Variants in BOC observed in about 807,000 individuals in gnomAD.
BOC encodes BOC cell adhesion associated, oncogene regulated.
A neutral mutation model predicts 112.0 loss-of-function variants in BOC; 76 were observed. The ratio of observed to expected loss-of-function variants is 0.68; its 90% CI spans 0.56 to 0.82. The LOEUF (loss-of-function observed/expected upper bound fraction) is 0.82, where lower values mean the gene tolerates loss of function less well. Ranked by LOEUF, BOC falls within the 40% of genes least tolerant of loss-of-function variation. The pLI, the probability that BOC is intolerant of heterozygous loss-of-function variation, is 0.00. For synonymous variants in BOC, 580 were observed against 599.8 expected (o/e 0.97, Z 0.48); for missense variants, 1,309 against 1,511.7 (o/e 0.87, Z 2.22).
chr3:113,275,410 G>A (rs1399217741), intron 9 of BOC, among the ~76,000 whole-genome samples: 1 of 152,182 alleles, frequency 6.6e-6, no homozygotes, highest in African/African-American at 2.4e-5. Flanking sequence ...GTGAGGCAGG[G>A]CAGGGTCCCC....
chr3:113,234,525 T>C (rs145475760), intron 2 of BOC, among the ~76,000 whole-genome samples: 8 of 152,328 alleles, frequency 5.3e-5, no homozygotes, highest in African/African-American at 1.9e-4. Flanking sequence ...TACATTTCAA[T>C]TTTGGTATAA....
At chr3:113,227,671 C>T (rs953890618) in intron 2 of BOC, among the ~76,000 whole-genome samples, 2 of 152,080 alleles carry the variant, frequency 1.3e-5, no homozygotes, top group Non-Finnish European at 2.9e-5. Context: ...GGTTTCTGCA[C>T]CTTGGTGCAG....
chr3:113,243,209 A>C (rs1289448636), intron 2 of BOC, among the ~76,000 whole-genome samples: 2 of 152,240 alleles, frequency 1.3e-5, no homozygotes, highest in African/African-American at 4.8e-5. Flanking sequence ...AACTGGGTTG[A>C]AGAGAAGGCT....
intron 15 of BOC, among the ~76,000 whole-genome samples, chr3:113,282,615 G>T (rs11715146): frequency 6.6e-6 from 1 of 151,856 alleles, no homozygotes; most frequent in Admixed American, 6.6e-5. Context: ...CAGGGGGTCC[G>T]GGTGGGGAGA....
chr3:113,222,429 A>G (rs867615647), intron 2 of BOC, among the ~76,000 whole-genome samples: 14 of 152,188 alleles, frequency 9.2e-5, no homozygotes, highest in South Asian at 4.2e-4. Flanking sequence ...ATATGGGGGG[A>G]AAATAGGAGA....
intron 15 of BOC, among the ~76,000 whole-genome samples, chr3:113,282,978 A>G (rs1949332676): frequency 6.6e-6 from 1 of 152,106 alleles, no homozygotes; most frequent in Non-Finnish European, 1.5e-5. Flanking sequence ...GATCCATGCT[A>G]ATACCTAGTG....
intron 2 of BOC, among the ~76,000 whole-genome samples, chr3:113,248,075 A>G (rs1269926384): frequency 2.0e-5 from 3 of 152,178 alleles, no homozygotes; most frequent in Non-Finnish European, 4.4e-5. Context: ...ACTCTTGGAA[A>G]ACATTCTGAG....
At chr3:113,248,026 C>G (rs533071351) in intron 2 of BOC, among the ~76,000 whole-genome samples, 1 of 152,320 alleles carries the variant, frequency 6.6e-6, no homozygotes, top group Admixed American at 6.5e-5. Flanking sequence ...ATGTCAAAGT[C>G]ATGAGGCAAA....
In BOC at chr3:113,286,898, T is replaced by C. The variant is rs751623611; in HGVS notation, c.*36T>C. On this transcript the variant is annotated 3_prime_UTR_variant, in exon 20 of 20. Transcript: ENST00000682979. ...ATATCCCAGAAAGACTATATATTGT[T>C]TTTTTTTTAAAAAAAAAAAGAAGAA... The C allele has an allele frequency of 6.7e-7, 1 of 1,487,910 alleles. No homozygotes were observed. The highest frequency in any genetic ancestry group is 9.0e-7 in the Non-Finnish European group (1 of 1,112,676). The allele number at this position is 1,487,910 out of a possible 1,614,324, so 92.2% of individuals were successfully genotyped here.
chr3:113,216,084 G>C, intron 1 of BOC, 103 bp from the exon 2 acceptor site: 1 of 321,290 alleles, frequency 3.1e-6, no homozygotes. Context: ...AAAATGTATT[G>C]ATAAGGACTT....
At chr3:113,245,339 A>G (rs1944782973) in intron 2 of BOC, among the ~76,000 whole-genome samples, 1 of 152,068 alleles carries the variant, frequency 6.6e-6, no homozygotes, top group Non-Finnish European at 1.5e-5. Context: ...TACAACCTCA[A>G]ATTCCTGGGC....
At chr3:113,252,769 T>C (rs535935884) in intron 4 of BOC, among the ~76,000 whole-genome samples, 1 of 152,268 alleles carries the variant, frequency 6.6e-6, no homozygotes, top group Admixed American at 6.5e-5. Flanking sequence ...GTGGAGCCAC[T>C]CCTCTTTGTG....
chr3:113,243,399 C>T (rs1944540299), intron 2 of BOC, among the ~76,000 whole-genome samples: 1 of 152,134 alleles, frequency 6.6e-6, no homozygotes, highest in Admixed American at 6.5e-5. Flanking sequence ...GATACTAATC[C>T]TAAATAGGCG....
At chr3:113,257,342 G>T (rs1191339095) in intron 4 of BOC, among the ~76,000 whole-genome samples, 1 of 152,152 alleles carries the variant, frequency 6.6e-6, no homozygotes, top group Non-Finnish European at 1.5e-5. Flanking sequence ...AGACCCTGTT[G>T]CCCCAGCCCC....
intron 4 of BOC, among the ~76,000 whole-genome samples, chr3:113,256,675 G>A (rs528549919): frequency 1.4e-4 from 22 of 152,208 alleles, no homozygotes; most frequent in African/African-American, 4.3e-4. Context: ...CCATTGTAGC[G>A]ATTTCTTTCT....
rs192575474 is a variant in BOC, at chr3:113,263,646, A to G, written c.377-4653A>G. Among the ~76,000 whole-genome samples, 3 of 152,368 alleles carry G rather than the reference A, an allele frequency of 2.0e-5. No individual in the cohort carries two copies. The East Asian group carries it at 5.8e-4, about 29-fold the overall frequency. ...GTAAAGTCCATGAAAATTGGGGGAT[A>G]AGCTTACAATTAATATTTGACAATT... is the stretch of plus-strand genomic sequence containing the variant. On this transcript the variant is annotated intron_variant, in intron 4 of 19. Transcript: ENST00000682979.
chr3:113,273,480 A>T, intron 8 of BOC, 139 bp downstream of exon 8: 1 of 949,606 alleles, frequency 1.1e-6, no homozygotes, highest in Non-Finnish European at 1.5e-6. Flanking sequence ...ATATGAACTT[A>T]ATAAATCTGA....
Position 113,279,464 on chromosome 3 carries a change from C to T in BOC, c.2023+9C>T. 3.1e-6 allele frequency: 5 copies of T among 1,612,782 alleles called. No homozygotes were observed. The highest frequency in any genetic ancestry group is 4.2e-6 in the Non-Finnish European group (5 of 1,179,690). On this transcript the variant is annotated intron_variant, in intron 12 of 19. Coordinates refer to ENST00000682979, the MANE Select transcript of BOC (RefSeq NM_001378074.1). ...CACGGGCCTAGAGAAAGGTAGGGGC[C>T]TGGCCACACCGTGGCCTTGGCCTGA...
intron 2 of BOC, among the ~76,000 whole-genome samples, chr3:113,232,349 A>C (rs1206233066): frequency 6.6e-6 from 1 of 152,150 alleles, no homozygotes; most frequent in Non-Finnish European, 1.5e-5. Context: ...CAGATTTCCA[A>C]ATTGATATTT....
Sources: gnomAD v4.1 joint callset for allele counts (sites outside exome capture counted in the v4.1 genomes callset) on GRCh38, gnomAD v4.1.1 for gene constraint, MANE v1.5 for transcripts, NCBI Gene and HGNC (gene_info 2026-07-23, HGNC 2026-07-21) for gene names.